RAD54B: variants seen among roughly 807,000 people sequenced by gnomAD.
RAD54B encodes RAD54 homolog B.
RAD54B carries 78 observed loss-of-function variants against 95.8 expected under a neutral mutation model. The observed-to-expected ratio is 0.81, with a 90% CI of 0.68 to 0.98. The LOEUF is 0.98. Among genes scored for constraint, RAD54B ranks in the 50% least tolerant of loss-of-function variants. The pLI is 0.00. For synonymous variants in RAD54B, 328 were observed against 354.9 expected (o/e 0.92, Z 0.85); for missense variants, 957 against 1,056.6 (o/e 0.91, Z 1.31).
intron 4 of RAD54B, 85 bp downstream of exon 4, chr8:94,411,036 A>G: frequency 9.4e-7 from 1 of 1,065,472 alleles, no homozygotes; most frequent in South Asian, 1.5e-5. Flanking sequence ...ATCTCTTTAT[A>G]AAACCCAATT....
intron 3 of RAD54B, chr8:94,429,057 A>G (rs1343626254): frequency 6.1e-6 from 6 of 985,222 alleles, no homozygotes; most frequent in Non-Finnish European, 7.2e-6. Flanking sequence ...TTGCAAATTA[A>G]AAGTAAACAA....
chr8:94,400,890 TTC>T (rs1396251434), intron 6 of RAD54B, among the ~76,000 whole-genome samples: 2 of 152,202 alleles, frequency 1.3e-5, no homozygotes, highest in African/African-American at 2.4e-5. Context: ...TATTTTATGA[TTC>T]TGTCAGTAAA....
Position 94,378,524 on chromosome 8 carries a change from T to C in RAD54B, c.2314+44A>G, listed in dbSNP as rs1397914338. ...ACAGGCTAACAAAAAATAATTTTAA[T>C]TATTCAAAGAGTATACATTTTTGTC... is the stretch of plus-strand genomic sequence containing the variant. On this transcript the variant is annotated intron_variant, in intron 13 of 14. Transcript: ENST00000336148. 1.1e-5 allele frequency: 17 copies of C among 1,516,942 alleles called. No individual in the cohort carries two copies. In the East Asian group the frequency reaches 3.8e-4, roughly 34 times the overall value. The allele number at this position is 1,516,942 out of a possible 1,614,324, so 94.0% of individuals were successfully genotyped here. A position where few individuals can be genotyped will look rare whatever the true frequency, so the allele number is the denominator to read the frequency against.
At chr8:94,469,243 C>A (rs1219231005) in intron 1 of RAD54B, among the ~76,000 whole-genome samples, 1 of 152,140 alleles carries the variant, frequency 6.6e-6, no homozygotes, top group Admixed American at 6.5e-5. Flanking sequence ...CACCCAATCT[C>A]ACCTTGAATT....
intron 3 of RAD54B, among the ~76,000 whole-genome samples, chr8:94,434,536 T>G (rs1812204965): frequency 6.6e-6 from 1 of 151,872 alleles, no homozygotes; most frequent in Non-Finnish European, 1.5e-5. Context: ...TTTAAGTATG[T>G]TAACGCAAAC....
At chr8:94,454,306 G>A (rs1812733739) in intron 3 of RAD54B, among the ~76,000 whole-genome samples, 1 of 152,052 alleles carries the variant, frequency 6.6e-6, no homozygotes, top group African/African-American at 2.4e-5. Flanking sequence ...TAATTGATCT[G>A]GGGTTTCTTT....
At chr8:94,382,806 T>G (rs2129962526) in intron 11 of RAD54B, among the ~76,000 whole-genome samples, 1 of 152,240 alleles carries the variant, frequency 6.6e-6, no homozygotes, top group Non-Finnish European at 1.5e-5. Flanking sequence ...TCTTGCTAGC[T>G]CTCTCTTTCC....
chr8:94,467,659 C>T (rs1813063213), intron 1 of RAD54B, 104 bp from the exon 2 acceptor site: 1 of 1,161,024 alleles, frequency 8.6e-7, no homozygotes, highest in Non-Finnish European at 1.2e-6. Context: ...AGAAACCCCT[C>T]TTATGGGCCT....
At position 94,391,918 on chromosome 8, in the gene RAD54B, C is replaced by T. The variant is rs764082193; in HGVS notation, c.1519-19G>A. The T allele has an allele frequency of 6.3e-7, 1 of 1,577,610 alleles. No individual in the cohort carries two copies. Among genetic ancestry groups the T allele is most frequent in the Non-Finnish European group, 8.6e-7 (1 of 1,166,022 alleles). ...TTTCTTCCTATGGAAAAATAGCAGA[C>T]TTAAATGAAAGTGTTATAGACAAAA... is the stretch of plus-strand genomic sequence containing the variant. On this transcript the variant is annotated intron_variant, in intron 9 of 14. Coordinates refer to ENST00000336148, the MANE Select transcript of RAD54B (RefSeq NM_012415.3).
chr8:94,386,529 A>G (rs1293399630), intron 11 of RAD54B, among the ~76,000 whole-genome samples: 1 of 152,142 alleles, frequency 6.6e-6, no homozygotes, highest in Non-Finnish European at 1.5e-5. Context: ...AAGAAGATAT[A>G]AAATATATAT....
At chr8:94,431,053 T>C (rs1171602771) in intron 3 of RAD54B, 1 of 985,286 alleles carries the variant, frequency 1.0e-6, no homozygotes, top group Non-Finnish European at 1.2e-6. Flanking sequence ...ACAACTTGGC[T>C]TAAAAATCCC....
At chr8:94,466,569 G>A (rs547553094) in intron 2 of RAD54B, among the ~76,000 whole-genome samples, 21 of 151,930 alleles carry the variant, frequency 1.4e-4, no homozygotes, top group African/African-American at 5.1e-4. Context: ...CACCATGCCC[G>A]GCTAGTTTTT....
intron 3 of RAD54B, among the ~76,000 whole-genome samples, chr8:94,418,068 A>G (rs1219040524): frequency 6.6e-6 from 1 of 152,202 alleles, no homozygotes; most frequent in African/African-American, 2.4e-5. Flanking sequence ...GAGTGTATGG[A>G]TAACACGTCA....
At chr8:94,396,781 G>GA (rs1811158734) in intron 8 of RAD54B, among the ~76,000 whole-genome samples, 1 of 152,084 alleles carries the variant, frequency 6.6e-6, no homozygotes, top group African/African-American at 2.4e-5. Context: ...ACTGTTTTTG[G>GA]AGATAGGACC....
intron 3 of RAD54B, among the ~76,000 whole-genome samples, chr8:94,457,407 C>T (rs556473040): frequency 1.3e-5 from 2 of 152,162 alleles, no homozygotes; most frequent in Non-Finnish European, 2.9e-5. Context: ...TTATGAGGAG[C>T]ACATAAATGG....
chr8:94,396,339 G>A (rs1262703536), intron 8 of RAD54B, among the ~76,000 whole-genome samples: 1 of 149,822 alleles, frequency 6.7e-6, no homozygotes, highest in Non-Finnish European at 1.5e-5. Context: ...AGAAACTTCT[G>A]AGAAAATGAA....
At chr8:94,469,113 T>A (rs1165707782) in intron 1 of RAD54B, among the ~76,000 whole-genome samples, 1 of 146,350 alleles carries the variant, frequency 6.8e-6, no homozygotes, top group Non-Finnish European at 1.5e-5. Context: ...TTTTTTTTTT[T>A]AATAAAAAAA....
intron 14 of RAD54B, among the ~76,000 whole-genome samples, chr8:94,376,769 T>C (rs1219458449): frequency 6.7e-6 from 1 of 148,906 alleles, no homozygotes. Flanking sequence ...ATATAACTAA[T>C]AAATATAATC....
At chr8:94,434,769 AG>A (rs3136411) in intron 3 of RAD54B, among the ~76,000 whole-genome samples, 15 of 151,832 alleles carry the variant, frequency 9.9e-5, no homozygotes, top group African/African-American at 3.6e-4. Flanking sequence ...AGAATTTAAA[AG>A]GCATGTTTCT....
Sources: allele counts gnomAD v4.1 joint callset (sites outside exome capture counted in the v4.1 genomes callset), GRCh38; gene constraint gnomAD v4.1.1; transcripts MANE v1.5; gene names NCBI Gene and HGNC (gene_info 2026-07-23, HGNC 2026-07-21).